The following PBX1 variants were observed in gnomAD, a reference collection of about 807,000 sequenced individuals.
PBX1 encodes PBX homeobox 1, also known as pre-B-cell leukemia transcription factor 1.
PBX1 carries 6 observed loss-of-function variants against 53.4 expected under a neutral mutation model. The ratio of observed to expected loss-of-function variants is 0.11; its 90% CI spans 0.06 to 0.22. The LOEUF (loss-of-function observed/expected upper bound fraction) is 0.22. Ranked by LOEUF, PBX1 falls within the 10% of genes least tolerant of loss-of-function variation. PBX1 has a pLI of 1.00. For synonymous variants in PBX1, 204 were observed against 212.3 expected (o/e 0.96, Z 0.34); for missense variants, 251 against 551.4 (o/e 0.46, Z 5.46).
chr1:164,705,326 T>C (rs1663367818), intron 2 of PBX1, among the ~76,000 whole-genome samples: 1 of 152,260 alleles, frequency 6.6e-6, no homozygotes, highest in Admixed American at 6.5e-5. Flanking sequence ...AGGTTGTGTT[T>C]GGTAATTAAA....
intron 8 of PBX1, among the ~76,000 whole-genome samples, chr1:164,830,763 C>G (rs537496293): frequency 1.3e-5 from 2 of 152,146 alleles, no homozygotes; most frequent in Non-Finnish European, 2.9e-5. Flanking sequence ...GCCTCTGCCT[C>G]GCCGTTTCTT....
chr1:164,563,107 C>A (rs1653181459), intron 1 of PBX1, 131 bp from the exon 2 acceptor site: 2 of 553,238 alleles, frequency 3.6e-6, no homozygotes. Flanking sequence ...ATGAAAACAA[C>A]TGAAGCATGC....
intron 8 of PBX1, among the ~76,000 whole-genome samples, chr1:164,843,551 G>A (rs1346424686): frequency 6.6e-6 from 1 of 151,792 alleles, no homozygotes; most frequent in African/African-American, 2.4e-5. Context: ...ATGGTTGGAG[G>A]GGGAGTGGAA....
chr1:164,698,486 CT>C (rs1191320153), intron 2 of PBX1, among the ~76,000 whole-genome samples: 3 of 151,970 alleles, frequency 2.0e-5, no homozygotes, highest in African/African-American at 7.3e-5. Flanking sequence ...ATTTTGTTCC[CT>C]GTTCCCTCAT....
intron 2 of PBX1, among the ~76,000 whole-genome samples, chr1:164,672,129 C>T (rs1485042109): frequency 2.0e-5 from 3 of 151,254 alleles, no homozygotes; most frequent in Non-Finnish European, 1.5e-5. Context: ...TCCCTGTATA[C>T]GAACAGTCAT....
At chr1:164,764,642 T>A (rs1263104791) in intron 2 of PBX1, among the ~76,000 whole-genome samples, 1 of 152,204 alleles carries the variant, frequency 6.6e-6, no homozygotes, top group Non-Finnish European at 1.5e-5. Flanking sequence ...TCAGCTGCAT[T>A]TTTTCTTTTT....
intron 2 of PBX1, among the ~76,000 whole-genome samples, chr1:164,719,219 T>C (rs912341671): frequency 6.6e-6 from 1 of 152,236 alleles, no homozygotes; most frequent in Non-Finnish European, 1.5e-5. Context: ...GCCATTTTTC[T>C]ATCACTCTCC....
intron 2 of PBX1, among the ~76,000 whole-genome samples, chr1:164,863,232 T>C (rs921394200): frequency 6.6e-6 from 1 of 152,236 alleles, no homozygotes; most frequent in East Asian, 1.9e-4. Flanking sequence ...TGTAGCTGCA[T>C]GGAGATCTGT....
intron 8 of PBX1, among the ~76,000 whole-genome samples, chr1:164,841,096 G>A (rs556567225): frequency 6.6e-6 from 1 of 152,302 alleles, no homozygotes; most frequent in South Asian, 2.1e-4. Context: ...ACGTGTGAAG[G>A]AACACACGCA....
intron 7 of PBX1, among the ~76,000 whole-genome samples, chr1:164,820,562 A>G (rs1309174399): frequency 6.6e-6 from 1 of 152,186 alleles, no homozygotes; most frequent in African/African-American, 2.4e-5. Context: ...CTCCTGCTCA[A>G]TATTTACCAT....
intron 2 of PBX1, among the ~76,000 whole-genome samples, chr1:164,621,272 C>T (rs2101852810): frequency 6.6e-6 from 1 of 152,398 alleles, no homozygotes; most frequent in South Asian, 2.1e-4. Flanking sequence ...CAGGCATGAG[C>T]CACCGCGCCC....
At chr1:164,619,584 C>T (rs1283005456) in intron 2 of PBX1, among the ~76,000 whole-genome samples, 1 of 152,090 alleles carries the variant, frequency 6.6e-6, no homozygotes, top group African/African-American at 2.4e-5. Flanking sequence ...CCTAAGTACT[C>T]GCCTTGACCA....
At chr1:164,682,749 A>C (rs1661859529) in intron 2 of PBX1, 1 of 152,304 alleles carries the variant, frequency 6.6e-6, no homozygotes, top group East Asian at 1.9e-4. Flanking sequence ...GCTCGGGGAC[A>C]TAAAACCTGT....
chr1:164,617,957 C>G (rs764567276), intron 2 of PBX1, among the ~76,000 whole-genome samples: 1 of 152,114 alleles, frequency 6.6e-6, no homozygotes, highest in Non-Finnish European at 1.5e-5. Context: ...AACACATACC[C>G]CAAATCAGTA....
intron 2 of PBX1, among the ~76,000 whole-genome samples, chr1:164,870,861 C>T (rs1672366694): frequency 6.6e-6 from 1 of 152,170 alleles, no homozygotes; most frequent in Non-Finnish European, 1.5e-5. Flanking sequence ...GCATCACTCC[C>T]CATCTCCTAT....
intron 2 of PBX1, among the ~76,000 whole-genome samples, chr1:164,700,916 T>C (rs1156737080): frequency 6.6e-6 from 1 of 152,214 alleles, no homozygotes; most frequent in Non-Finnish European, 1.5e-5. Flanking sequence ...CCTCTCTGGG[T>C]GTTAGTTTCT....
At chr1:164,577,808 A>G (rs1278469190) in intron 2 of PBX1, among the ~76,000 whole-genome samples, 1 of 152,160 alleles carries the variant, frequency 6.6e-6, no homozygotes, top group African/African-American at 2.4e-5. Flanking sequence ...TCTCTGATCC[A>G]CCAGCTGGAG....
chr1:164,745,884 C>T (rs780468972), intron 2 of PBX1, among the ~76,000 whole-genome samples: 1 of 152,158 alleles, frequency 6.6e-6, no homozygotes, highest in Non-Finnish European at 1.5e-5. Flanking sequence ...ATACTCTTCC[C>T]AGTGCAGCCA....
intron 2 of PBX1, among the ~76,000 whole-genome samples, chr1:164,756,469 TA>T (rs902218285): frequency 9.9e-5 from 15 of 152,246 alleles, no homozygotes; most frequent in African/African-American, 3.6e-4. Context: ...CATATGCTTA[TA>T]ATCATATTTA....
Sources: allele counts gnomAD v4.1 joint callset (sites outside exome capture counted in the v4.1 genomes callset), GRCh38; gene constraint gnomAD v4.1.1; transcripts MANE v1.5; gene names NCBI Gene and HGNC (gene_info 2026-07-23, HGNC 2026-07-21).